The following ASB3 variants were observed in gnomAD, a reference collection of about 807,000 sequenced individuals.
ASB3 encodes the protein ankyrin repeat and SOCS box protein 3.
ASB3 carries 41 observed loss-of-function variants against 54.5 expected under a neutral mutation model. The observed-to-expected ratio is 0.75, with a 90% CI of 0.59 to 0.98. The LOEUF (loss-of-function observed/expected upper bound fraction) is 0.98, where lower values mean the gene tolerates loss of function less well. Ranked by LOEUF, ASB3 falls within the 50% of genes least tolerant of loss-of-function variation. The pLI, the probability that ASB3 is intolerant of heterozygous loss-of-function variation, is 0.00. For missense variants in ASB3, 733 were observed against 620.0 expected, an observed-to-expected ratio of 1.18 and a Z score of -1.94; for synonymous variants, 266 against 221.2, an observed-to-expected ratio of 1.20 and a Z score of -1.80.
chr2:53,748,635 A>C (rs1000293979), intron 3 of ASB3, among the ~76,000 whole-genome samples: 1 of 152,218 alleles, frequency 6.6e-6, no homozygotes, highest in African/African-American at 2.4e-5. Context: ...CCTGAACCTT[A>C]TCAGGAAGAA....
At chr2:53,723,131 C>T (rs138045315) in intron 5 of ASB3, among the ~76,000 whole-genome samples, 7 of 152,068 alleles carry the variant, frequency 4.6e-5, no homozygotes, top group African/African-American at 9.6e-5. Flanking sequence ...ATACATCTTA[C>T]CAAGGAGGTG....
chr2:53,686,613 G>A (rs903190063), intron 9 of ASB3, among the ~76,000 whole-genome samples: 7 of 152,158 alleles, frequency 4.6e-5, no homozygotes, highest in African/African-American at 1.7e-4. Flanking sequence ...TGTGGAAAGA[G>A]TGGGACGGGC....
chr2:53,696,941 A>G (rs1010957514), intron 8 of ASB3, among the ~76,000 whole-genome samples: 1 of 152,170 alleles, frequency 6.6e-6, no homozygotes, highest in African/African-American at 2.4e-5. Flanking sequence ...AATAGGGGCT[A>G]GGTAAAATAA....
chr2:53,715,463 T>C (rs1670334408), intron 6 of ASB3, among the ~76,000 whole-genome samples: 1 of 152,158 alleles, frequency 6.6e-6, no homozygotes, highest in African/African-American at 2.4e-5. Context: ...GGGTTACCTT[T>C]GAAGTAGGCT....
chr2:53,740,329 A>C (rs1394975487), intron 3 of ASB3, among the ~76,000 whole-genome samples: 1 of 152,322 alleles, frequency 6.6e-6, no homozygotes, highest in East Asian at 1.9e-4. Flanking sequence ...AAGAACATTT[A>C]TCTCCTGCAG....
chr2:53,781,234 C>T (rs1448261470), intron 1 of ASB3, among the ~76,000 whole-genome samples: 1 of 151,888 alleles, frequency 6.6e-6, no homozygotes, highest in African/African-American at 2.4e-5. Context: ...ATGGCAAAAC[C>T]CTATCTCTTA....
At chr2:53,724,409 T>C (rs1196101782) in intron 5 of ASB3, among the ~76,000 whole-genome samples, 1 of 152,026 alleles carries the variant, frequency 6.6e-6, no homozygotes, top group Non-Finnish European at 1.5e-5. Context: ...CCATCCTGGC[T>C]AACACGGTGA....
At chr2:53,714,240 A>G in intron 7 of ASB3, 144 bp downstream of exon 7, 2 of 1,008,880 alleles carry the variant, frequency 2.0e-6, no homozygotes, top group Non-Finnish European at 2.8e-6. Flanking sequence ...CTGAAACATC[A>G]TAGTTTTTTT....
At chr2:53,693,788 T>C (rs1420991796) in intron 9 of ASB3, 96 bp downstream of exon 9, 11 of 1,485,028 alleles carry the variant, frequency 7.4e-6, no homozygotes, top group Non-Finnish European at 9.0e-6. Context: ...CTAATTTGTG[T>C]TCACCGATGA....
At chr2:53,678,822 A>T (rs911281090) in intron 9 of ASB3, among the ~76,000 whole-genome samples, 6 of 152,174 alleles carry the variant, frequency 3.9e-5, no homozygotes, top group African/African-American at 1.4e-4. Context: ...AATTTTGAAA[A>T]TACAATCTTC....
intron 1 of ASB3, among the ~76,000 whole-genome samples, chr2:53,771,505 C>A (rs1214943899): frequency 6.6e-6 from 1 of 152,056 alleles, no homozygotes; most frequent in Admixed American, 6.6e-5. Context: ...TTGAGCAAAA[C>A]TCCGTCTCAA....
At chr2:53,726,631 T>C (rs371841830) in intron 5 of ASB3, among the ~76,000 whole-genome samples, 47 of 151,432 alleles carry the variant, frequency 3.1e-4, no homozygotes, top group Admixed American at 2.1e-3. Flanking sequence ...CATATATATA[T>C]ACACATATAT....
rs919854605 is a variant in ASB3 at position 53,785,349 on chromosome 2, CACAG to C, written c.-14+1468_-14+1471del. ...AGCCCTAAATGCTAAAACAGGACCT[CACAG>C]ACAGTTTTCATTTTTATTCCGTCAA... On this transcript the variant is annotated intron_variant, in intron 1 of 9. Transcript: ENST00000263634. 4.7e-4 allele frequency among the ~76,000 whole-genome samples: 71 copies of C among 152,202 alleles called. 1 individual carries two copies. Among genetic ancestry groups the C allele is most frequent in the Non-Finnish European group, 2.4e-4 (16 of 68,026 alleles).
intron 1 of ASB3, chr2:53,767,985 G>C: frequency 6.2e-7 from 1 of 1,611,494 alleles, no homozygotes; most frequent in Non-Finnish European, 8.5e-7. Flanking sequence ...GGCGCTTCTG[G>C]CAGGGCAGCA....
At chr2:53,681,507 CT>C (rs1668370450) in intron 9 of ASB3, among the ~76,000 whole-genome samples, 1 of 152,112 alleles carries the variant, frequency 6.6e-6, no homozygotes, top group Non-Finnish European at 1.5e-5. Context: ...GTCTTAAACT[CT>C]TTAATGCATT....
intron 8 of ASB3, among the ~76,000 whole-genome samples, chr2:53,696,153 A>T (rs930023072): frequency 2.6e-5 from 4 of 152,196 alleles, no homozygotes; most frequent in African/African-American, 9.6e-5. Context: ...TGCTAAAGTT[A>T]AATTTTCCAC....
In ASB3 at chr2:53,755,740, G is replaced by A. The variant is rs564188061; in HGVS notation, c.197-4799C>T. Among the ~76,000 whole-genome samples, 6 of 152,356 alleles carry A rather than the reference G, an allele frequency of 3.9e-5. No homozygotes were observed. In the South Asian group the frequency reaches 1.2e-3, roughly 32 times the overall value. Reference sequence around the variant, plus strand: ...ATGCATGGAAGAAGTCAGTGAAGAGGAAGAGGTTGAAAGGCATTACAAAGA... The same window carrying A: ...ATGCATGGAAGAAGTCAGTGAAGAGAAAGAGGTTGAAAGGCATTACAAAGA... On this transcript the variant is annotated intron_variant, in intron 2 of 9. Coordinates refer to ENST00000263634, the MANE Select transcript of ASB3 (RefSeq NM_016115.5).
intron 3 of ASB3, among the ~76,000 whole-genome samples, chr2:53,735,303 C>T (rs1181192455): frequency 1.3e-5 from 2 of 152,144 alleles, no homozygotes; most frequent in Non-Finnish European, 2.9e-5. Context: ...TTGCTCCTAA[C>T]TGAACTTTCC....
Position 53,714,562 on chromosome 2 carries a change from GTAT to G in ASB3, c.799_801del (p.Ile267del). 1 of 1,614,108 alleles carries G rather than the reference GTAT, an allele frequency of 6.2e-7. No homozygotes were observed. The highest frequency in any genetic ancestry group is 8.5e-7 in the Non-Finnish European group (1 of 1,179,996). On this transcript the variant is annotated inframe_deletion, in exon 7 of 10. Transcript: ENST00000263634. Reference sequence around the variant, plus strand: ...GTGTCACAGGCCCGGTTAGTAAGTGGTATTAACAAGTCCAAGATTCTATAAATA... The same window carrying G: ...GTGTCACAGGCCCGGTTAGTAAGTGGTAACAAGTCCAAGATTCTATAAATA...
Sources: allele counts gnomAD v4.1 joint callset (sites outside exome capture counted in the v4.1 genomes callset), GRCh38; gene constraint gnomAD v4.1.1; transcripts MANE v1.5; gene names NCBI Gene and HGNC (gene_info 2026-07-23, HGNC 2026-07-21).